The following PLEKHA5 variants were observed in gnomAD, a reference collection of about 807,000 sequenced individuals.
PLEKHA5 encodes pleckstrin homology domain containing A5, also known as pleckstrin homology domain-containing family A member 5.
In PLEKHA5, 55 loss-of-function variants were observed where a neutral mutation model predicts 181.9. The observed-to-expected ratio is 0.30, with a 90% CI of 0.24 to 0.38. The LOEUF (loss-of-function observed/expected upper bound fraction) is 0.38, where lower values mean the gene tolerates loss of function less well. Among genes scored for constraint, PLEKHA5 ranks in the 10% least tolerant of loss-of-function variants. The probability of loss-of-function intolerance (pLI) is 1.00; values close to 1 mark genes in which losing one functional copy is unlikely to be tolerated. For missense variants in PLEKHA5, 1,432 were observed against 1,549.5 expected, an observed-to-expected ratio of 0.92 and a Z score of 1.27; for synonymous variants, 535 against 529.4, an observed-to-expected ratio of 1.01 and a Z score of -0.15.
chr12:19,315,188 T>C (rs1049160428), intron 16 of PLEKHA5, among the ~76,000 whole-genome samples: 2 of 152,184 alleles, frequency 1.3e-5, no homozygotes, highest in Admixed American at 1.3e-4. Flanking sequence ...TTTGCAAAAT[T>C]ACTAGATTTT....
intron 3 of PLEKHA5, among the ~76,000 whole-genome samples, chr12:19,240,993 T>C (rs187001422): frequency 1.1e-4 from 16 of 152,322 alleles, no homozygotes; most frequent in Admixed American, 2.0e-4. Flanking sequence ...GCTTTTTCCA[T>C]ATATCATTCA....
chr12:19,280,120 G>A (rs2075731987), intron 11 of PLEKHA5, among the ~76,000 whole-genome samples: 1 of 127,554 alleles, frequency 7.8e-6, no homozygotes, highest in South Asian at 2.6e-4. Flanking sequence ...CACAATCTCA[G>A]CTCACTGCAA....
chr12:19,326,165 AC>A (rs2153067083), intron 20 of PLEKHA5, among the ~76,000 whole-genome samples: 1 of 152,186 alleles, frequency 6.6e-6, no homozygotes, highest in African/African-American at 2.4e-5. Flanking sequence ...GTTATGACAA[AC>A]CCTCAGAATA....
At chr12:19,364,969 A>G (rs1436014894) in intron 29 of PLEKHA5, among the ~76,000 whole-genome samples, 2 of 152,118 alleles carry the variant, frequency 1.3e-5, no homozygotes, top group African/African-American at 4.8e-5. Flanking sequence ...CACACTGATC[A>G]TTTTTAACAT....
intron 20 of PLEKHA5, among the ~76,000 whole-genome samples, chr12:19,334,872 CTG>C (rs1565630358): frequency 1.6e-5 from 1 of 62,748 alleles, no homozygotes; most frequent in Non-Finnish European, 3.6e-5. Context: ...ATATATATCT[CTG>C]TATACGCACA....
At chr12:19,343,054 A>C (rs1398071686) in intron 21 of PLEKHA5, among the ~76,000 whole-genome samples, 1 of 152,172 alleles carries the variant, frequency 6.6e-6, no homozygotes, top group African/African-American at 2.4e-5. Flanking sequence ...CTGGTATCAT[A>C]AATAATGTAA....
intron 8 of PLEKHA5, among the ~76,000 whole-genome samples, chr12:19,268,974 G>A (rs949740619): frequency 6.6e-6 from 1 of 152,144 alleles, no homozygotes; most frequent in African/African-American, 2.4e-5. Context: ...ATACAGCAGT[G>A]CCTTTTGAGG....
intron 15 of PLEKHA5, among the ~76,000 whole-genome samples, chr12:19,305,417 C>T (rs1237503635): frequency 6.6e-6 from 1 of 151,776 alleles, no homozygotes; most frequent in Non-Finnish European, 1.5e-5. Flanking sequence ...AAAAATTAGC[C>T]TGACAGGGTG....
rs188849865 is a variant in PLEKHA5, at chr12:19,282,701, T to A, written c.1314-579T>A. 3.3e-3 allele frequency among the ~76,000 whole-genome samples: 507 copies of A among 152,324 alleles called. 3 individuals carry two copies. Among genetic ancestry groups the A allele is most frequent in the African/African-American group, 0.012 (491 of 41,584 alleles). On this transcript the variant is annotated intron_variant, in intron 11 of 31. Transcript: ENST00000429027. ...TATAGTGACAGAATTGAGATTAGAT[T>A]TTAAACATTCTTATTTCTCAAATGA...
chr12:19,307,795 C>G (rs1235579570), intron 15 of PLEKHA5, among the ~76,000 whole-genome samples: 1 of 151,852 alleles, frequency 6.6e-6, no homozygotes, highest in Non-Finnish European at 1.5e-5. Flanking sequence ...CAGAAAGTTA[C>G]AGCACGGCTA....
intron 3 of PLEKHA5, among the ~76,000 whole-genome samples, chr12:19,184,234 T>C (rs926139649): frequency 7.9e-5 from 12 of 152,334 alleles, no homozygotes; most frequent in African/African-American, 2.6e-4. Context: ...GACTTTTTGC[T>C]GTATAAATTT....
At chr12:19,306,861 CAGA>C (rs1455767351) in intron 15 of PLEKHA5, 9 of 790,446 alleles carry the variant, frequency 1.1e-5, no homozygotes, top group East Asian at 2.4e-5. Context: ...GTACCATATG[CAGA>C]AGGAGTTATT....
intron 3 of PLEKHA5, among the ~76,000 whole-genome samples, chr12:19,230,207 A>G (rs1400669813): frequency 6.6e-6 from 1 of 152,170 alleles, no homozygotes; most frequent in African/African-American, 2.4e-5. Flanking sequence ...ACCTTAAGCT[A>G]GACACAGTGC....
At chr12:19,354,056 T>A in intron 26 of PLEKHA5, 54 bp downstream of exon 26, 1 of 792,522 alleles carries the variant, frequency 1.3e-6, no homozygotes, top group Non-Finnish European at 2.0e-6. Context: ...ATTTATTGCT[T>A]TCTTACATGT....
intron 3 of PLEKHA5, among the ~76,000 whole-genome samples, chr12:19,215,249 C>T (rs889970357): frequency 1.3e-5 from 2 of 151,980 alleles, no homozygotes; most frequent in Admixed American, 6.6e-5. Context: ...CTTGGAACTT[C>T]CTTGTCAGTT....
chr12:19,214,259 C>T (rs1565474675), intron 3 of PLEKHA5, among the ~76,000 whole-genome samples: 1 of 152,162 alleles, frequency 6.6e-6, no homozygotes, highest in Non-Finnish European at 1.5e-5. Flanking sequence ...TTAACTGTCT[C>T]AGGTGCTACA....
intron 12 of PLEKHA5, among the ~76,000 whole-genome samples, chr12:19,287,034 G>A (rs990805040): frequency 1.3e-5 from 2 of 151,368 alleles, no homozygotes; most frequent in Non-Finnish European, 2.9e-5. Flanking sequence ...GCCTCGCTCT[G>A]TTGCCCAGGC....
chr12:19,314,728 T>C, intron 15 of PLEKHA5, 86 bp from the exon 16 acceptor site: 1 of 739,160 alleles, frequency 1.4e-6, no homozygotes. Context: ...GATATTAAAG[T>C]AGAGGCTATA....
chr12:19,345,633 C>T (rs1196233019), intron 22 of PLEKHA5, among the ~76,000 whole-genome samples: 3 of 151,542 alleles, frequency 2.0e-5, no homozygotes, highest in South Asian at 2.1e-4. Flanking sequence ...GGCGTGGTGG[C>T]GCACGCCTGT....
Sources: allele counts gnomAD v4.1 joint callset (sites outside exome capture counted in the v4.1 genomes callset), GRCh38; gene constraint gnomAD v4.1.1; transcripts MANE v1.5; gene names NCBI Gene and HGNC (gene_info 2026-07-23, HGNC 2026-07-21).